MAP3K5: variants seen among roughly 807,000 people sequenced by gnomAD.
The protein encoded by MAP3K5 is mitogen-activated protein kinase kinase kinase 5.
Under a neutral mutation model 158.7 loss-of-function variants are expected in MAP3K5, and 56 were observed. The observed-to-expected ratio is 0.35, with a 90% confidence interval of 0.28 to 0.44. The LOEUF (loss-of-function observed/expected upper bound fraction) is 0.44, where lower values mean the gene tolerates loss of function less well. Among genes scored for constraint, MAP3K5 ranks in the 20% least tolerant of loss-of-function variants. MAP3K5 has a pLI of 1.00. For synonymous variants in MAP3K5, 579 were observed against 601.7 expected, an observed-to-expected ratio of 0.96 and a Z score of 0.55; for missense variants, 1,294 against 1,674.8, an observed-to-expected ratio of 0.77 and a Z score of 3.97.
intron 1 of MAP3K5, among the ~76,000 whole-genome samples, chr6:136,750,314 G>A (rs180946147): frequency 6.6e-4 from 100 of 152,308 alleles, no homozygotes; most frequent in African/African-American, 2.1e-3. Flanking sequence ...CTGGCCTCAA[G>A]TGATCTGCCT....
At chr6:136,600,971 CA>C in intron 21 of MAP3K5, 50 bp downstream of exon 21, 1 of 1,590,030 alleles carries the variant, frequency 6.3e-7, no homozygotes, top group Non-Finnish European at 8.6e-7. Flanking sequence ...TGGAGTTTAT[CA>C]CACCAGACAC....
At chr6:136,696,329 A>G (rs963562697) in intron 5 of MAP3K5, among the ~76,000 whole-genome samples, 1 of 152,280 alleles carries the variant, frequency 6.6e-6, no homozygotes. Context: ...CAAGCATGAT[A>G]GTGCTCTACT....
intron 15 of MAP3K5, among the ~76,000 whole-genome samples, chr6:136,621,274 T>A (rs1013646082): frequency 2.5e-4 from 38 of 152,166 alleles, no homozygotes; most frequent in African/African-American, 7.7e-4. Flanking sequence ...CCAGCATTTT[T>A]AAAAATTATT....
chr6:136,722,612 T>C (rs1320100427), intron 1 of MAP3K5, among the ~76,000 whole-genome samples: 1 of 151,204 alleles, frequency 6.6e-6, no homozygotes, highest in Non-Finnish European at 1.5e-5. Flanking sequence ...TCAATGAAAA[T>C]GCAGAGAAAT....
intron 1 of MAP3K5, among the ~76,000 whole-genome samples, chr6:136,754,779 T>C (rs1324059152): frequency 6.6e-6 from 1 of 152,110 alleles, no homozygotes; most frequent in African/African-American, 2.4e-5. Flanking sequence ...CTGCAGAGGA[T>C]GCCTCAATGG....
rs1779383983 is a variant in MAP3K5 at position 136,669,617 on chromosome 6, T to G, written c.1254-222A>C. Among the ~76,000 whole-genome samples the G allele has an allele frequency of 2.1e-5, 3 of 143,348 alleles. No homozygotes were observed. The Middle Eastern group carries it at 0.01, about 501-fold the overall frequency. 94.0% of individuals were successfully genotyped at this position (143,348 alleles called of 152,430 possible). On this transcript the variant is annotated intron_variant, in intron 7 of 29. Transcript: ENST00000359015. The stretch of plus-strand genomic sequence containing the variant: ...CCGCTTAGCTCACCCTCAACCTACC[T>G]AGTAACCCTAGTCTTTAAAAAAATC...
At chr6:136,640,966 A>G (rs149153291) in intron 12 of MAP3K5, among the ~76,000 whole-genome samples, 2 of 152,352 alleles carry the variant, frequency 1.3e-5, no homozygotes, top group African/African-American at 4.8e-5. Context: ...TAAGTCATAA[A>G]TCACAACAAC....
intron 25 of MAP3K5, among the ~76,000 whole-genome samples, chr6:136,571,168 C>T (rs1440588561): frequency 6.6e-6 from 1 of 152,200 alleles, no homozygotes; most frequent in East Asian, 1.9e-4. Flanking sequence ...CCAGACTCAG[C>T]ATCACAGATG....
intron 1 of MAP3K5, among the ~76,000 whole-genome samples, chr6:136,767,259 GA>G (rs1784004803): frequency 1.3e-5 from 2 of 151,998 alleles, no homozygotes; most frequent in Non-Finnish European, 2.9e-5. Context: ...AAACCCACGG[GA>G]AAGAGGGAAG....
At chr6:136,654,085 C>A (rs1226210081) in intron 10 of MAP3K5, among the ~76,000 whole-genome samples, 1 of 152,216 alleles carries the variant, frequency 6.6e-6, no homozygotes, top group Non-Finnish European at 1.5e-5. Context: ...CAAGATAACA[C>A]CTATGTGCCT....
intron 25 of MAP3K5, among the ~76,000 whole-genome samples, chr6:136,575,143 T>A (rs1357741755): frequency 6.6e-6 from 1 of 151,094 alleles, no homozygotes; most frequent in Non-Finnish European, 1.5e-5. Context: ...ACCAGGAAAT[T>A]AACATTGATA....
intron 1 of MAP3K5, among the ~76,000 whole-genome samples, chr6:136,779,591 A>G (rs1460506234): frequency 6.6e-5 from 10 of 152,204 alleles, no homozygotes; most frequent in Admixed American, 6.5e-4. Context: ...TCAGCTTGTC[A>G]GCTTATGTAA....
intron 8 of MAP3K5, among the ~76,000 whole-genome samples, chr6:136,663,762 A>G (rs756442507): frequency 6.6e-6 from 1 of 152,028 alleles, no homozygotes; most frequent in Non-Finnish European, 1.5e-5. Context: ...GGTGTGAACC[A>G]CCACGCCCGG....
At chr6:136,757,586 A>ATTTTT (rs897486770) in intron 1 of MAP3K5, among the ~76,000 whole-genome samples, 11 of 127,828 alleles carry the variant, frequency 8.6e-5, no homozygotes, top group Non-Finnish European at 1.1e-4. Context: ...TTTATTTTTT[A>ATTTTT]TTTTTTTTTT....
intron 1 of MAP3K5, among the ~76,000 whole-genome samples, chr6:136,760,748 C>A (rs1336347749): frequency 1.3e-5 from 2 of 152,028 alleles, no homozygotes; most frequent in East Asian, 1.9e-4. Flanking sequence ...GGTGGGTGGA[C>A]CATCTGAGGT....
intron 1 of MAP3K5, among the ~76,000 whole-genome samples, chr6:136,771,182 G>T (rs1406497227): frequency 1.3e-5 from 2 of 152,122 alleles, no homozygotes; most frequent in African/African-American, 2.4e-5. Flanking sequence ...ACTCAAAAAG[G>T]CATTTTCTTC....
At chr6:136,644,631 T>A (rs1376314046) in intron 11 of MAP3K5, among the ~76,000 whole-genome samples, 1 of 152,224 alleles carries the variant, frequency 6.6e-6, no homozygotes, top group East Asian at 1.9e-4. Context: ...CAACTGTCAT[T>A]CCATCCTTCT....
chr6:136,738,572 C>A (rs2114864075), intron 1 of MAP3K5, among the ~76,000 whole-genome samples: 1 of 152,134 alleles, frequency 6.6e-6, no homozygotes, highest in East Asian at 1.9e-4. Context: ...CAGCAACAGA[C>A]AGTATTTGGA....
chr6:136,726,911 G>A (rs375467613), intron 1 of MAP3K5, among the ~76,000 whole-genome samples: 13 of 152,086 alleles, frequency 8.5e-5, no homozygotes, highest in Middle Eastern at 3.4e-3. Context: ...GGACAGTCAC[G>A]TAATCTGCAA....
Sources: gnomAD v4.1 joint callset for allele counts (sites outside exome capture counted in the v4.1 genomes callset) on GRCh38, gnomAD v4.1.1 for gene constraint, MANE v1.5 for transcripts, NCBI Gene and HGNC (gene_info 2026-07-23, HGNC 2026-07-21) for gene names.